Variants in PKNOX2 observed in about 807,000 individuals in gnomAD.
PKNOX2 encodes the protein homeobox protein PKNOX2.
A neutral mutation model predicts 53.1 loss-of-function variants in PKNOX2; 14 were observed. The observed-to-expected ratio is 0.26, with a 90% CI of 0.17 to 0.41. The LOEUF is 0.41. Ranked by LOEUF, PKNOX2 falls within the 10% of genes least tolerant of loss-of-function variation. The probability of loss-of-function intolerance (pLI) is 1.00; values close to 1 mark genes in which losing one functional copy is unlikely to be tolerated. For missense variants in PKNOX2, 496 were observed against 602.8 expected, an observed-to-expected ratio of 0.82 and a Z score of 1.85; for synonymous variants, 257 against 242.8, an observed-to-expected ratio of 1.06 and a Z score of -0.54.
chr11:125,423,056 AC>A (rs1956245791), intron 10 of PKNOX2, among the ~76,000 whole-genome samples: 1 of 151,894 alleles, frequency 6.6e-6, no homozygotes, highest in African/African-American at 2.4e-5. Flanking sequence ...ACACACACAC[AC>A]ACACATATGT....
intron 2 of PKNOX2, among the ~76,000 whole-genome samples, chr11:125,288,786 G>C (rs1947097372): frequency 6.6e-6 from 1 of 152,226 alleles, no homozygotes; most frequent in Non-Finnish European, 1.5e-5. Context: ...AAGATTGTGA[G>C]AAATGCCTTA....
At chr11:125,205,551 G>A (rs1938991687) in intron 1 of PKNOX2, among the ~76,000 whole-genome samples, 1 of 149,976 alleles carries the variant, frequency 6.7e-6, no homozygotes, top group South Asian at 2.1e-4. Context: ...AAGCCATCAG[G>A]TGACTCTCTT....
intron 1 of PKNOX2, among the ~76,000 whole-genome samples, chr11:125,178,626 G>GA (rs1408222164): frequency 1.3e-5 from 1 of 79,512 alleles, no homozygotes; most frequent in Non-Finnish European, 2.3e-5. Flanking sequence ...AAGAAAGAAA[G>GA]AAAGAAAGAA....
At chr11:125,271,494 T>C (rs963756592) in intron 2 of PKNOX2, among the ~76,000 whole-genome samples, 3 of 152,224 alleles carry the variant, frequency 2.0e-5, no homozygotes, top group African/African-American at 7.2e-5. Flanking sequence ...GCAGAGTGCA[T>C]ATTTGGGTCA....
rs536799770 is a variant in PKNOX2, at chr11:125,319,334, T to A, written c.-129-12485T>A. Among the ~76,000 whole-genome samples, 36 of 152,248 alleles carry A rather than the reference T, an allele frequency of 2.4e-4. No individual in the cohort carries two copies. In the South Asian group the frequency reaches 7.1e-3, roughly 30 times the overall value. ...CAGATCACCATAACATATATAATAA[T>A]GAAAAAGTCTGAAATATTGTGAGAA... On this transcript the variant is annotated intron_variant, in intron 2 of 12. Transcript: ENST00000298282.
chr11:125,209,915 T>C (rs1939624059), intron 1 of PKNOX2, among the ~76,000 whole-genome samples: 1 of 152,070 alleles, frequency 6.6e-6, no homozygotes, highest in South Asian at 2.1e-4. Flanking sequence ...GGTATTGCTC[T>C]TGTTTTATCA....
chr11:125,242,087 T>C (rs1163779265), intron 2 of PKNOX2, among the ~76,000 whole-genome samples: 2 of 152,096 alleles, frequency 1.3e-5, no homozygotes, highest in Non-Finnish European at 2.9e-5. Flanking sequence ...TTCATCACCT[T>C]CATTTCACAA....
intron 2 of PKNOX2, among the ~76,000 whole-genome samples, chr11:125,309,451 G>A (rs554768739): frequency 2.7e-5 from 4 of 145,926 alleles, no homozygotes; most frequent in Middle Eastern, 3.5e-3. Context: ...GCAATGGTTC[G>A]ATCTCAGCTC....
At chr11:125,344,154 C>T (rs545075081) in intron 3 of PKNOX2, among the ~76,000 whole-genome samples, 5 of 152,318 alleles carry the variant, frequency 3.3e-5, no homozygotes, top group East Asian at 1.9e-4. Flanking sequence ...GCACCCTCTC[C>T]TCCAGGGTGG....
intron 2 of PKNOX2, among the ~76,000 whole-genome samples, chr11:125,252,838 A>C (rs542481123): frequency 6.6e-6 from 1 of 152,158 alleles, no homozygotes; most frequent in East Asian, 1.9e-4. Flanking sequence ...GCATCAGCTC[A>C]CTCCTTCAGG....
chr11:125,410,025 T>G, intron 7 of PKNOX2, 171 bp from the exon 8 acceptor site: 2 of 850,334 alleles, frequency 2.4e-6, no homozygotes, highest in Non-Finnish European at 3.5e-6. Flanking sequence ...AGCCTTCTTA[T>G]TCACCCTTTC....
At chr11:125,384,747 A>G (rs1347601795) in intron 5 of PKNOX2, among the ~76,000 whole-genome samples, 1 of 152,170 alleles carries the variant, frequency 6.6e-6, no homozygotes, top group Non-Finnish European at 1.5e-5. Flanking sequence ...TCTAGATGTC[A>G]TAGAACCCCC....
chr11:125,379,309 G>A (rs1002651980), intron 5 of PKNOX2, among the ~76,000 whole-genome samples: 2 of 152,032 alleles, frequency 1.3e-5, no homozygotes, highest in Admixed American at 6.6e-5. Context: ...TAATCCACCC[G>A]CCTCAGCCTC....
intron 3 of PKNOX2, among the ~76,000 whole-genome samples, chr11:125,350,619 C>CTGGGAAAGTA (rs1951246718): frequency 3.3e-5 from 5 of 152,168 alleles, no homozygotes; most frequent in Admixed American, 6.5e-5. Flanking sequence ...AGTCACAAGC[C>CTGGGAAAGTA]CGAGTCTGGG....
intron 2 of PKNOX2, among the ~76,000 whole-genome samples, chr11:125,297,691 C>G (rs1237791008): frequency 6.6e-6 from 1 of 152,186 alleles, no homozygotes; most frequent in Non-Finnish European, 1.5e-5. Flanking sequence ...TCGTCATAAA[C>G]ACAGACTTCT....
At chr11:125,192,723 C>T (rs969335728) in intron 1 of PKNOX2, among the ~76,000 whole-genome samples, 1 of 152,216 alleles carries the variant, frequency 6.6e-6, no homozygotes, top group African/African-American at 2.4e-5. Context: ...GGTGGGAGGA[C>T]TGTCTGCCTT....
At chr11:125,251,986 A>T (rs1193163984) in intron 2 of PKNOX2, among the ~76,000 whole-genome samples, 1 of 152,010 alleles carries the variant, frequency 6.6e-6, no homozygotes, top group Non-Finnish European at 1.5e-5. Context: ...CAGGTTAGAG[A>T]TATGCCTTTT....
At chr11:125,385,156 A>C (rs1016757743) in intron 5 of PKNOX2, among the ~76,000 whole-genome samples, 1 of 152,092 alleles carries the variant, frequency 6.6e-6, no homozygotes, top group Non-Finnish European at 1.5e-5. Context: ...ATGACCTACC[A>C]CGAATGTTCA....
At chr11:125,218,525 C>G (rs749926076) in intron 1 of PKNOX2, among the ~76,000 whole-genome samples, 1 of 152,084 alleles carries the variant, frequency 6.6e-6, no homozygotes, top group African/African-American at 2.4e-5. Context: ...GAGGGATAGG[C>G]TGAGCAAAAG....
Sources: gnomAD v4.1 joint callset for allele counts (sites outside exome capture counted in the v4.1 genomes callset) on GRCh38, gnomAD v4.1.1 for gene constraint, MANE v1.5 for transcripts, NCBI Gene and HGNC (gene_info 2026-07-23, HGNC 2026-07-21) for gene names.